Variants in RNF207 observed in about 807,000 individuals in gnomAD.
The protein encoded by RNF207 is OTTHUMG00000001089.
In RNF207, 72 loss-of-function variants were observed where a neutral mutation model predicts 79.0. That is an observed-to-expected ratio of 0.91 (90% CI 0.75 to 1.11). The LOEUF (loss-of-function observed/expected upper bound fraction) is 1.11. Among genes scored for constraint, RNF207 ranks in the 50% least tolerant of loss-of-function variants. The pLI is 0.00. For synonymous variants in RNF207, 348 were observed against 366.2 expected (o/e 0.95, Z 0.57); for missense variants, 936 against 855.8 (o/e 1.09, Z -1.17).
rs1337822238 is a variant in RNF207, at chr1:6,207,644, C to T, written c.324+133C>T. The T allele has an allele frequency of 9.5e-7, 1 of 1,051,110 alleles. No individual in the cohort carries two copies. Among genetic ancestry groups the T allele is most frequent in the Non-Finnish European group, 1.4e-6 (1 of 703,258 alleles). 65.1% of individuals were successfully genotyped at this position (1,051,110 alleles called of 1,614,324 possible). A position where few individuals can be genotyped will look rare whatever the true frequency, so the allele number is the denominator to read the frequency against. ...ATTCTCCAGCACCTCCCTAGGGCAC[C>T]TTGGCCCCAAATGTGAACCCCATTA... On this transcript the variant is annotated intron_variant, in intron 3 of 17. Transcript: ENST00000377939. The surrounding 1 kb of genome is among the most constrained non-coding windows in gnomAD (Gnocchi z 4.5).
At chr1:6,214,548 G>A (rs1668292505) in intron 16 of RNF207, among the ~76,000 whole-genome samples, 1 of 151,318 alleles carries the variant, frequency 6.6e-6, no homozygotes. Context: ...GATTACAGGT[G>A]CGTGCCAACA....
rs367780826 is a variant in RNF207, at chr1:6,209,979, G to T, written c.800+9G>T. On this transcript the variant is annotated intron_variant, in intron 8 of 17. Transcript: ENST00000377939. Reference sequence around the variant, plus strand: ...CTGCAGGCTGTGCAGAGGTGAGTTGGGGGGAGCGGGGCTTGCTTCCCTTAC... The same window carrying T: ...CTGCAGGCTGTGCAGAGGTGAGTTGTGGGGAGCGGGGCTTGCTTCCCTTAC... 6.2e-4 allele frequency: 977 copies of T among 1,579,514 alleles called. 15 individuals carry two copies. The South Asian group carries it at 0.01, about 17-fold the overall frequency.
At position 6,212,742 on chromosome 1, in the gene RNF207, C is replaced by T. The variant is rs1270070945; in HGVS notation, c.1534+9C>T. ...GCAGGAGATTTATGAAGGTTCCAGACAGTTGGCTGCCGAGTGAACCCTCTG... is the reference window on the plus strand; with the variant it reads ...GCAGGAGATTTATGAAGGTTCCAGATAGTTGGCTGCCGAGTGAACCCTCTG... On this transcript the variant is annotated intron_variant, in intron 15 of 17. Coordinates refer to ENST00000377939, the MANE Select transcript of RNF207 (RefSeq NM_207396.3). 1.2e-6 allele frequency: 2 copies of T among 1,610,816 alleles called. No homozygotes were observed. Among genetic ancestry groups the T allele is most frequent in the South Asian group, 2.2e-5 (2 of 91,002 alleles).
chr1:6,210,751 C>A, intron 10 of RNF207, 119 bp from the exon 11 acceptor site: 1 of 889,366 alleles, frequency 1.1e-6, no homozygotes, highest in Non-Finnish European at 1.8e-6. Context: ...AGAGGGCTGG[C>A]GCTGCTAAGG....
chr1:6,218,423 A>G, intron 17 of RNF207, 54 bp downstream of exon 17: 3 of 1,333,626 alleles, frequency 2.2e-6, no homozygotes, highest in Non-Finnish European at 3.2e-6. Context: ...TTCTGAGGCC[A>G]ACAGGACGAC....
intron 17 of RNF207, 87 bp downstream of exon 17, chr1:6,218,456 C>A: frequency 9.8e-7 from 1 of 1,020,948 alleles, no homozygotes; most frequent in Non-Finnish European, 1.5e-6. Flanking sequence ...AGGCTTTTCC[C>A]CTTTGGCGCC....
Position 6,219,243 on chromosome 1 carries a change from C to T in RNF207, c.1741C>T (p.Pro581Ser). The change falls in exon 18 of 18, where the codon CCA (proline) becomes TCA (serine). Residue 581 changes from proline to serine, a missense_variant. Coordinates refer to ENST00000377939, the MANE Select transcript of RNF207 (RefSeq NM_207396.3). Reference sequence around the variant, plus strand: ...ATGAGGCTGTCCCTTTAGGAATAATCCAGGAAGTGTCCCGGAAAAGAGAGA... The same window carrying T: ...ATGAGGCTGTCCCTTTAGGAATAATTCAGGAAGTGTCCCGGAAAAGAGAGA... ...RNNAASARNN[P>S]GSVPEKREKT... The T allele has an allele frequency of 6.2e-7, 1 of 1,609,626 alleles. No homozygotes were observed. Among genetic ancestry groups the T allele is most frequent in the Non-Finnish European group, 8.5e-7 (1 of 1,178,056 alleles).
In RNF207 at chr1:6,207,393, T is replaced by C; in HGVS notation, c.206T>C (p.Leu69Pro). The C allele has an allele frequency of 6.5e-7, 1 of 1,538,652 alleles. No individual in the cohort carries two copies. Among genetic ancestry groups the C allele is most frequent in the South Asian group, 1.2e-5 (1 of 80,060 alleles). The change falls in exon 3 of 18, where the codon CTG (leucine) becomes CCG (proline). Residue 69 changes from leucine (L) to proline (P), a missense_variant. Leu to Pro is a moderately conservative substitution (Grantham distance 98, BLOSUM62 -3). Coordinates refer to ENST00000377939, the MANE Select transcript of RNF207 (RefSeq NM_207396.3). This position sits in a 1 kb window ranked among gnomAD's most constrained non-coding sequence, Gnocchi z 4.5. The part of the protein sequence containing the change: ...TCPLCQHQTV[L>P]KGPSGLPPVD... The stretch of plus-strand genomic sequence containing the variant: ...CTTCTCTGCAGACACCAGACGGTGC[T>C]GAAGGGTCCCAGCGGGCTCCCGCCG...
chr1:6,220,975 CCTG>C lies in RNF207; in HGVS notation c.*1571_*1573del, dbSNP rs1353826423. On this transcript the variant is annotated 3_prime_UTR_variant, in exon 18 of 18. Transcript: ENST00000377939. ...CACATTGACGTCCACTGTCCCTGCA[CCTG>C]CTACTTCAGGGGCACTGAGGCTCCT... 1 of 152,242 alleles carries C rather than the reference CCTG, an allele frequency of 6.6e-6. No individual in the cohort carries two copies. The highest frequency in any genetic ancestry group is 1.5e-5 in the Non-Finnish European group (1 of 68,058). 9.4% of individuals were successfully genotyped at this position (152,242 alleles called of 1,614,324 possible).
intron 16 of RNF207, among the ~76,000 whole-genome samples, chr1:6,214,561 C>T (rs1195732897): frequency 2.6e-5 from 4 of 151,316 alleles, no homozygotes; most frequent in Admixed American, 2.6e-4. Context: ...TGCCAACACG[C>T]CTGGCTAATT....
intron 16 of RNF207, among the ~76,000 whole-genome samples, chr1:6,215,666 G>C (rs531590823): frequency 6.6e-6 from 1 of 151,710 alleles, no homozygotes; most frequent in South Asian, 2.1e-4. Context: ...TGCTTGTGAA[G>C]GTCTTTGTTT....
intron 9 of RNF207, 33 bp from the exon 10 acceptor site, chr1:6,210,337 C>T (rs745808987): frequency 6.2e-6 from 10 of 1,612,964 alleles, no homozygotes; most frequent in Admixed American, 1.7e-5. Context: ...TCCTCCTCCC[C>T]GGCCAGGCAC....
rs1328799046 is a variant in RNF207, at chr1:6,206,247, G to A, written c.-56G>A. On this transcript the variant is annotated 5_prime_UTR_variant, in exon 1 of 18. Transcript: ENST00000377939. ...GGCCCGGAGCCGCACTAAGAGCGCT[G>A]GACGGCGGGAGAGAGGCTCGGAGGA... 4 of 389,932 alleles carry A rather than the reference G, an allele frequency of 1.0e-5. No individual in the cohort carries two copies. Among genetic ancestry groups the A allele is most frequent in the Admixed American group, 4.5e-5 (1 of 22,240 alleles). The allele number at this position is 389,932 out of a possible 1,614,324, so 24.2% of individuals were successfully genotyped here.
In RNF207 at chr1:6,212,395, C is replaced by T. The variant is rs762531731; in HGVS notation, c.1461C>T (p.Gly487=). 2 of 1,610,708 alleles carry T rather than the reference C, an allele frequency of 1.2e-6. No individual in the cohort carries two copies. The highest frequency in any genetic ancestry group is 1.7e-6 in the Non-Finnish European group (2 of 1,178,536). The change falls in exon 14 of 18, where the codon GGC becomes GGT. Residue 487 remains glycine (G), a synonymous_variant. Transcript: ENST00000377939. ...CCTCGGAGCACGCCTCCTTAGAGGG[C>T]ATGAGGGTCGTCTTCCAGGAGGTAG... The part of the protein sequence containing the change: ...QIASEHASLE[G]MRVVFQEIWE...
At chr1:6,209,658 C>G in intron 7 of RNF207, 119 bp downstream of exon 7, 1 of 1,253,306 alleles carries the variant, frequency 8.0e-7, no homozygotes, top group Non-Finnish European at 1.1e-6. Flanking sequence ...CAAGCACTTT[C>G]CTGGAGTTGC....
intron 8 of RNF207, 100 bp downstream of exon 8, chr1:6,210,070 A>T: frequency 1.5e-6 from 2 of 1,358,222 alleles, no homozygotes; most frequent in Non-Finnish European, 2.0e-6. Flanking sequence ...GGAGCAAGAC[A>T]TCCGAATGTC....
At chr1:6,215,327 C>A (rs1237757987) in intron 16 of RNF207, among the ~76,000 whole-genome samples, 1 of 150,826 alleles carries the variant, frequency 6.6e-6, no homozygotes, top group African/African-American at 2.5e-5. Context: ...TGCACCCGGC[C>A]CCCCTTTTTT....
In RNF207 at chr1:6,206,122, G is replaced by A. The variant is rs1667885587; in HGVS notation, c.-181G>A. The A allele has an allele frequency of 5.8e-6, 1 of 172,818 alleles. No homozygotes were observed. Among genetic ancestry groups the A allele is most frequent in the Admixed American group, 6.3e-5 (1 of 15,946 alleles). 10.7% of individuals were successfully genotyped at this position (172,818 alleles called of 1,614,324 possible). A position where few individuals can be genotyped will look rare whatever the true frequency, so the allele number is the denominator to read the frequency against. On this transcript the variant is annotated 5_prime_UTR_variant, in exon 1 of 18. Coordinates refer to ENST00000377939, the MANE Select transcript of RNF207 (RefSeq NM_207396.3). ...GAGAGGTAGGAGAGGCCACGGCAGA[G>A]GGAGGCCCCGCGCAGAGTGGGAACC... is the stretch of plus-strand genomic sequence containing the variant.
chr1:6,212,812 G>A lies in RNF207; in HGVS notation c.1534+79G>A, dbSNP rs777175146. 801 of 1,220,376 alleles carry A rather than the reference G, an allele frequency of 6.6e-4. 2 individuals carry two copies. The highest frequency in any genetic ancestry group is 9.0e-4 in the Non-Finnish European group (740 of 824,518). The allele number at this position is 1,220,376 out of a possible 1,614,324, so 75.6% of individuals were successfully genotyped here. ...ACTAGCAGAGGAGGAAGTCAGAGTCGGCCACTAACCAGATGCAAATCCCCA... is the reference window on the plus strand; with the variant it reads ...ACTAGCAGAGGAGGAAGTCAGAGTCAGCCACTAACCAGATGCAAATCCCCA... On this transcript the variant is annotated intron_variant, in intron 15 of 17. Coordinates refer to ENST00000377939, the MANE Select transcript of RNF207 (RefSeq NM_207396.3).
Sources: allele counts gnomAD v4.1 joint callset (sites outside exome capture counted in the v4.1 genomes callset), GRCh38; gene constraint gnomAD v4.1.1; non-coding constraint Gnocchi (gnomAD v3.1); transcripts MANE v1.5; gene names NCBI Gene and HGNC (gene_info 2026-07-23, HGNC 2026-07-21).